The following WDR41 variants were observed in gnomAD, a reference collection of about 807,000 sequenced individuals.
WDR41 encodes WD repeat domain 41, also known as WD repeat-containing protein 41.
Under a neutral mutation model 69.3 loss-of-function variants are expected in WDR41, and 63 were observed. That is an observed-to-expected ratio of 0.91 (90% CI 0.74 to 1.12). The LOEUF (loss-of-function observed/expected upper bound fraction) is 1.12. Ranked by LOEUF, WDR41 falls within the 50% of genes most tolerant of loss-of-function variation. The pLI is 0.00. For synonymous variants in WDR41, 185 were observed against 192.1 expected (o/e 0.96, Z 0.31); for missense variants, 543 against 534.5 (o/e 1.02, Z -0.16).
upstream of WDR41, among the ~76,000 whole-genome samples, chr5:77,494,355 A>G (rs1801908215): frequency 6.6e-6 from 1 of 150,882 alleles, no homozygotes; most frequent in Non-Finnish European, 1.5e-5. Context: ...AACTGTCCAA[A>G]GAAAAGGCAG....
chr5:77,476,172 G>A (rs1800916892), intron 2 of WDR41, among the ~76,000 whole-genome samples: 1 of 152,172 alleles, frequency 6.6e-6, no homozygotes, highest in Admixed American at 6.5e-5. Context: ...ATGGGACTAT[G>A]TGAAAAGACC....
chr5:77,487,443 A>G (rs570073399), intron 2 of WDR41, among the ~76,000 whole-genome samples: 2 of 152,326 alleles, frequency 1.3e-5, no homozygotes, highest in African/African-American at 4.8e-5. Context: ...AAGGCTGCAG[A>G]TGATTGTTTA....
intron 1 of WDR41, among the ~76,000 whole-genome samples, chr5:77,557,481 T>C (rs1214897961): frequency 6.6e-6 from 1 of 152,104 alleles, no homozygotes; most frequent in African/African-American, 2.4e-5. Context: ...ACCAAAAGTA[T>C]AAAAAGATAA....
intron 2 of WDR41, among the ~76,000 whole-genome samples, chr5:77,480,529 A>G (rs965954065): frequency 1.3e-5 from 2 of 152,152 alleles, no homozygotes; most frequent in African/African-American, 4.8e-5. Context: ...TTGTAGGGAC[A>G]TGGATGAAAT....
Position 77,588,492 on chromosome 5 carries a change from C to T in WDR41, c.42+31987G>A, listed in dbSNP as rs147271270. On this transcript the variant is annotated intron_variant, in intron 1 of 5. Coordinates refer to the WDR41 transcript ENST00000509971. Reference sequence around the variant, plus strand: ...GATAAAGATAAAGATTCCTTTTTTACTTCAATTTGGATATTTCCTTTTTTG... The same window carrying T: ...GATAAAGATAAAGATTCCTTTTTTATTTCAATTTGGATATTTCCTTTTTTG... Among the ~76,000 whole-genome samples the T allele has an allele frequency of 8.4e-3, 1,271 of 152,092 alleles. 13 individuals carry two copies. The highest frequency in any genetic ancestry group is 0.017 in the Middle Eastern group (5 of 294).
At chr5:77,564,018 A>G (rs1743570830) in intron 1 of WDR41, among the ~76,000 whole-genome samples, 1 of 152,188 alleles carries the variant, frequency 6.6e-6, no homozygotes, top group Non-Finnish European at 1.5e-5. Context: ...TTTAATCACT[A>G]TGAGTGTGAA....
intron 2 of WDR41, among the ~76,000 whole-genome samples, chr5:77,466,276 T>C (rs747578384): frequency 7.2e-5 from 11 of 151,990 alleles, no homozygotes; most frequent in Non-Finnish European, 1.3e-4. Flanking sequence ...ATAGATTTCC[T>C]ATGCTTAATT....
At chr5:77,452,584 T>G (rs1444801142) in intron 6 of WDR41, 1 of 152,212 alleles carries the variant, frequency 6.6e-6, no homozygotes, top group Non-Finnish European at 1.5e-5. Context: ...TGAAAGGACA[T>G]CATGACATAA....
intron 1 of WDR41, among the ~76,000 whole-genome samples, chr5:77,508,508 T>G (rs958313204): frequency 6.6e-6 from 1 of 152,202 alleles, no homozygotes; most frequent in Non-Finnish European, 1.5e-5. Context: ...TGGTTTTAGT[T>G]CTTTGAACAT....
chr5:77,522,254 G>C (rs950134268), intron 1 of WDR41, among the ~76,000 whole-genome samples: 3 of 152,208 alleles, frequency 2.0e-5, no homozygotes, highest in Non-Finnish European at 4.4e-5. Context: ...AAACAAGACT[G>C]AAAATGGAAA....
chr5:77,457,528 A>G (rs1482091703), intron 5 of WDR41, among the ~76,000 whole-genome samples: 2 of 152,076 alleles, frequency 1.3e-5, no homozygotes, highest in South Asian at 2.1e-4. Context: ...CATTTCCTTT[A>G]AAGAGTTTTC....
chr5:77,471,185 A>G (rs1003935238), intron 2 of WDR41, among the ~76,000 whole-genome samples: 3 of 152,260 alleles, frequency 2.0e-5, no homozygotes, highest in African/African-American at 4.8e-5. Context: ...TACTGGGTAC[A>G]TAACAAAGTG....
At chr5:77,528,693 G>C (rs149812564) in intron 1 of WDR41, among the ~76,000 whole-genome samples, 1 of 151,526 alleles carries the variant, frequency 6.6e-6, no homozygotes, top group South Asian at 2.1e-4. Context: ...TATGAGCAAG[G>C]CATGTTTACT....
chr5:77,480,258 C>CA (rs1484036769), intron 2 of WDR41: 2 of 151,948 alleles, frequency 1.3e-5, no homozygotes, highest in Admixed American at 6.5e-5. Context: ...TTGTGGAAGT[C>CA]AGTGTGGCGA....
chr5:77,512,369 TGTGTG>T (rs1802220142), intron 1 of WDR41, among the ~76,000 whole-genome samples: 1 of 121,572 alleles, frequency 8.2e-6, no homozygotes, highest in African/African-American at 3.5e-5. Context: ...TGTGTGTGTG[TGTGTG>T]TGTGTGTGTG....
In WDR41 at chr5:77,451,280, T is replaced by A. The variant is rs1390855871; in HGVS notation, c.586+11A>T. ...TTCAAAATACACAAAAAGAAAAAAATTCATACTCACTCAGTTCTTTGCCAA... is the reference window on the plus strand; with the variant it reads ...TTCAAAATACACAAAAAGAAAAAAAATCATACTCACTCAGTTCTTTGCCAA... On this transcript the variant is annotated intron_variant, in intron 7 of 12. Coordinates refer to ENST00000296679, the MANE Select transcript of WDR41 (RefSeq NM_018268.4). The A allele has an allele frequency of 6.2e-7, 1 of 1,613,124 alleles. No homozygotes were observed. Among genetic ancestry groups the A allele is most frequent in the Middle Eastern group, 1.7e-4 (1 of 6,024 alleles).
rs373964565 is a variant in WDR41 at position 77,436,280 on chromosome 5, C to G, written c.1208G>C (p.Gly403Ala). The G allele has an allele frequency of 1.1e-5, 18 of 1,613,762 alleles. No individual in the cohort carries two copies. The highest frequency in any genetic ancestry group is 1.5e-5 in the Non-Finnish European group (18 of 1,179,894). The change falls in exon 12 of 13, where the codon GGA becomes GCA. Residue 403 changes from glycine (G) to alanine (A), a missense_variant. By Grantham distance (60) the Gly-to-Ala change is moderately conservative (BLOSUM62 0). Transcript: ENST00000296679. Reference sequence around the variant, plus strand: ...CAATACCTCCACAGATGATGAGTGTCCAATCAAATCTCCAATAAGCTCCAG... The same window carrying G: ...CAATACCTCCACAGATGATGAGTGTGCAATCAAATCTCCAATAAGCTCCAG... Reference protein sequence around the residue: ...CSLELIGDLIGHSSSVEMFLY... With the variant: ...CSLELIGDLIAHSSSVEMFLY...
At chr5:77,574,150 T>C (rs907234262) in intron 1 of WDR41, among the ~76,000 whole-genome samples, 12 of 151,946 alleles carry the variant, frequency 7.9e-5, no homozygotes, top group African/African-American at 2.7e-4. Context: ...ATACAAAAAT[T>C]AGCCAGGTAT....
intron 1 of WDR41, among the ~76,000 whole-genome samples, chr5:77,570,105 G>C (rs186299165): frequency 3.9e-5 from 6 of 152,132 alleles, no homozygotes; most frequent in Admixed American, 1.3e-4. Context: ...ATAAAAATAA[G>C]TATCAGGAAC....
Sources: gnomAD v4.1 joint callset for allele counts (sites outside exome capture counted in the v4.1 genomes callset) on GRCh38, gnomAD v4.1.1 for gene constraint, MANE v1.5 for transcripts, NCBI Gene and HGNC (gene_info 2026-07-23, HGNC 2026-07-21) for gene names.